The following SI variants were observed in gnomAD, a reference collection of about 807,000 sequenced individuals.
SI encodes the protein sucrase-isomaltase, intestinal.
Under a neutral mutation model 253.3 loss-of-function variants are expected in SI, and 235 were observed. The ratio of observed to expected loss-of-function variants is 0.93; its 90% CI spans 0.83 to 1.03. SI has a LOEUF of 1.03. Ranked by LOEUF, SI falls within the 50% of genes least tolerant of loss-of-function variation. The pLI is 0.00. For missense variants in SI, 2,442 were observed against 2,211.1 expected (o/e 1.10, Z -2.09); for synonymous variants, 819 against 712.0 (o/e 1.15, Z -2.39).
At chr3:165,060,275 G>C (rs1261672893) in intron 9 of SI, among the ~76,000 whole-genome samples, 1 of 151,884 alleles carries the variant, frequency 6.6e-6, no homozygotes, top group Admixed American at 6.6e-5. Flanking sequence ...ATTAGAAAGT[G>C]TAGCATATCA....
At chr3:165,062,621 T>C (rs1714042118) in intron 8 of SI, 138 bp from the exon 9 acceptor site, 2 of 596,686 alleles carry the variant, frequency 3.4e-6, no homozygotes. Flanking sequence ...TAATGAAATA[T>C]TGAATGCAGG....
chr3:165,021,131 A>C (rs1289633777), intron 27 of SI, 98 bp downstream of exon 27: 1 of 1,046,878 alleles, frequency 9.6e-7, no homozygotes, highest in Non-Finnish European at 1.5e-6. Context: ...TTTTTGTGTG[A>C]TGCTACTCTA....
Position 165,078,465 on chromosome 3 carries a change from G to T in SI, c.-33C>A, listed in dbSNP as rs1219294425. 1.3e-5 allele frequency: 2 copies of T among 151,956 alleles called. No individual in the cohort carries two copies. Among genetic ancestry groups the T allele is most frequent in the African/African-American group, 4.8e-5 (2 of 41,384 alleles). The allele number at this position is 151,956 out of a possible 1,614,324, so 9.4% of individuals were successfully genotyped here. A position where few individuals can be genotyped will look rare whatever the true frequency, so the allele number is the denominator to read the frequency against. The stretch of plus-strand genomic sequence containing the variant: ...CATAGCCTGTTCTCTTTGCTATGTT[G>T]TACCAGACTTGGATAAGGCTGCCAA... On this transcript the variant is annotated 5_prime_UTR_variant, in exon 1 of 48. Transcript: ENST00000264382.
Position 165,013,006 on chromosome 3 carries a change from T to G in SI, c.4036A>C (p.Thr1346Pro). 6.2e-7 allele frequency: 1 copy of G among 1,610,322 alleles called. No homozygotes were observed. The highest frequency in any genetic ancestry group is 8.5e-7 in the Non-Finnish European group (1 of 1,176,770). The change falls in exon 34 of 48, where the codon ACT becomes CCT. Residue 1346 changes from threonine (T) to proline (P), a missense_variant. By Grantham distance (38) the Thr-to-Pro change is conservative. Coordinates refer to ENST00000264382, the MANE Select transcript of SI (RefSeq NM_001041.4). ...PDLPNITIDK[T>P]LTEDEAVNAS... ...TTAACAGCTTCATCTTCCGTTAGAGTTTTATCTATTGTTATGTTGGGCAAA... is the reference window on the plus strand; with the variant it reads ...TTAACAGCTTCATCTTCCGTTAGAGGTTTATCTATTGTTATGTTGGGCAAA...
chr3:164,995,497 T>G (rs1298545089), intron 40 of SI, among the ~76,000 whole-genome samples: 2 of 151,956 alleles, frequency 1.3e-5, no homozygotes, highest in African/African-American at 4.8e-5. Flanking sequence ...CAACTCATAT[T>G]TAAACTTAAG....
rs767701583 is a variant in SI at position 165,032,567 on chromosome 3, T to G, written c.2691A>C (p.Gln897His). Reference sequence around the variant, plus strand: ...TGAAATTGGAATGAGCGTTCATTGGTTGATTATTTTCCGCCACTCTAACTT... The same window carrying G: ...TGAAATTGGAATGAGCGTTCATTGGGTGATTATTTTCCGCCACTCTAACTT... ...VTEVRVAENN[Q>H]PMNAHSNFTY... is the part of the protein sequence containing the mutation. Residue 897 changes from glutamine (Q) to histidine (H), a missense_variant, in exon 24 of 48, where the codon CAA (glutamine) becomes CAC (histidine). Physicochemically the swap from Gln to His is conservative, Grantham distance 24 (BLOSUM62 0). Coordinates refer to ENST00000264382, the MANE Select transcript of SI (RefSeq NM_001041.4). The G allele has an allele frequency of 1.2e-6, 2 of 1,609,508 alleles. No homozygotes were observed. The highest frequency in any genetic ancestry group is 1.7e-6 in the Non-Finnish European group (2 of 1,177,104).
the SI span, among the ~76,000 whole-genome samples, chr3:165,086,429 TGCTTTAATG>T: frequency 6.6e-6 from 1 of 152,170 alleles, no homozygotes; most frequent in African/African-American, 2.4e-5. Context: ...CATCAAGACA[TGCTTTAATG>T]AGAATAATAT....
intron 13 of SI, among the ~76,000 whole-genome samples, chr3:165,050,456 T>C (rs1472549705): frequency 6.6e-6 from 1 of 152,088 alleles, no homozygotes; most frequent in Non-Finnish European, 1.5e-5. Flanking sequence ...CCTAAACATC[T>C]CTTGAAGAAA....
At chr3:165,033,346 G>A (rs766171674) in intron 23 of SI, 49 bp downstream of exon 23, 6 of 1,483,848 alleles carry the variant, frequency 4.0e-6, no homozygotes, top group African/African-American at 2.8e-5. Context: ...GAATAACCTA[G>A]GCATGAACAA....
chr3:165,026,284 C>G (rs1172152377), intron 25 of SI, among the ~76,000 whole-genome samples: 1 of 151,248 alleles, frequency 6.6e-6, no homozygotes, highest in African/African-American at 2.4e-5. Flanking sequence ...GAAAATATCA[C>G]AATCCTAAAT....
intron 45 of SI, among the ~76,000 whole-genome samples, chr3:164,985,363 A>G (rs145717291): frequency 1.3e-5 from 2 of 152,316 alleles, no homozygotes; most frequent in African/African-American, 4.8e-5. Context: ...TGAAAACTTC[A>G]TAGACCCTCA....
chr3:165,040,032 G>C, intron 18 of SI, 61 bp from the exon 19 acceptor site: 2 of 1,320,778 alleles, frequency 1.5e-6, no homozygotes, highest in Non-Finnish European at 2.2e-6. Context: ...CCAAATTCCT[G>C]GTTCAGTTTA....
intron 2 of SI, 53 bp downstream of exon 2, chr3:165,075,842 A>G: frequency 1.9e-6 from 2 of 1,051,018 alleles, no homozygotes; most frequent in Non-Finnish European, 3.0e-6. Context: ...ATTGTGGAGT[A>G]ACTTCCTCCT....
the SI span, among the ~76,000 whole-genome samples, chr3:165,088,042 A>G: frequency 2.0e-5 from 3 of 152,164 alleles, no homozygotes; most frequent in Non-Finnish European, 4.4e-5. Flanking sequence ...ATATGTATGT[A>G]AAATTAAAAT....
chr3:165,081,952 A>G (rs577541719), upstream of SI, among the ~76,000 whole-genome samples: 1 of 152,138 alleles, frequency 6.6e-6, no homozygotes, highest in Non-Finnish European at 1.5e-5. Flanking sequence ...GAGCTTCCAG[A>G]AAATAAGGCA....
In SI at chr3:165,030,803, A is replaced by C; in HGVS notation, c.2801T>G (p.Ile934Ser). 6.3e-7 allele frequency: 1 copy of C among 1,596,468 alleles called. No individual in the cohort carries two copies. The highest frequency in any genetic ancestry group is 8.5e-7 in the Non-Finnish European group (1 of 1,170,668). Reference protein sequence around the residue: ...GRNFSVQWNQIFSENERFNCY... With the variant: ...GRNFSVQWNQSFSENERFNCY... Reference sequence around the variant, plus strand: ...ATTAAATCTTTCATTTTCTGAGAAAATTTGATTCCATTGAACACTAAAGTT... The same window carrying C: ...ATTAAATCTTTCATTTTCTGAGAAACTTTGATTCCATTGAACACTAAAGTT... The change falls in exon 25 of 48, where the codon ATT (isoleucine) becomes AGT (serine). Residue 934 changes from isoleucine (I) to serine (S), a missense_variant. Physicochemically the swap from Ile to Ser is moderately radical, Grantham distance 142. Coordinates refer to ENST00000264382, the MANE Select transcript of SI (RefSeq NM_001041.4).
intron 13 of SI, among the ~76,000 whole-genome samples, chr3:165,051,895 A>G (rs548100800): frequency 5.7e-4 from 87 of 152,108 alleles, no homozygotes; most frequent in African/African-American, 2.0e-3. Context: ...TAAAAGTTTT[A>G]TTGTATGACC....
chr3:165,014,847 T>C (rs1718952581), intron 33 of SI, among the ~76,000 whole-genome samples: 2 of 152,236 alleles, frequency 1.3e-5, no homozygotes, highest in African/African-American at 2.4e-5. Context: ...ATCTTACTAA[T>C]GGTAGTCTTA....
intron 13 of SI, among the ~76,000 whole-genome samples, chr3:165,050,775 A>T (rs925283809): frequency 1.8e-4 from 27 of 152,034 alleles, no homozygotes; most frequent in Admixed American, 1.7e-3. Flanking sequence ...TCTCAGAAAA[A>T]GTAGATTTTC....
Sources: gnomAD v4.1 joint callset for allele counts (sites outside exome capture counted in the v4.1 genomes callset) on GRCh38, gnomAD v4.1.1 for gene constraint, MANE v1.5 for transcripts, NCBI Gene and HGNC (gene_info 2026-07-23, HGNC 2026-07-21) for gene names.